Variants in RNF17 observed in about 807,000 individuals in gnomAD.
RNF17 encodes spermatogenesis associated 23.
RNF17 carries 31 observed loss-of-function variants against 200.5 expected under a neutral mutation model. The ratio of observed to expected loss-of-function variants is 0.15; its 90% confidence interval spans 0.12 to 0.21. RNF17 has a LOEUF of 0.21. RNF17 is among the 10% of genes least tolerant of loss of function. The pLI, the probability that RNF17 is intolerant of heterozygous loss-of-function variation, is 1.00. For synonymous variants in RNF17, 606 were observed against 637.8 expected (o/e 0.95, Z 0.75); for missense variants, 1,628 against 1,905.1 (o/e 0.85, Z 2.71).
intron 15 of RNF17, among the ~76,000 whole-genome samples, chr13:24,813,056 C>T (rs1429898987): frequency 6.6e-6 from 1 of 152,176 alleles, no homozygotes; most frequent in African/African-American, 2.4e-5. Flanking sequence ...GCCAGTGATA[C>T]TGAACATCTT....
At chr13:24,765,140 G>C (rs1361524897) in intron 1 of RNF17, among the ~76,000 whole-genome samples, 1 of 152,008 alleles carries the variant, frequency 6.6e-6, no homozygotes, top group Admixed American at 6.6e-5. Flanking sequence ...CTCAGCCTCT[G>C]GAGTAGCTGG....
At position 24,830,472 on chromosome 13, in the gene RNF17, T is replaced by C. The variant is rs769651052; in HGVS notation, c.2246-12T>C. The C allele has an allele frequency of 1.3e-6, 2 of 1,522,182 alleles. No individual in the cohort carries two copies. The highest frequency in any genetic ancestry group is 1.8e-6 in the Non-Finnish European group (2 of 1,111,090). The allele number at this position is 1,522,182 out of a possible 1,614,324, so 94.3% of individuals were successfully genotyped here. On this transcript the variant is annotated splice_polypyrimidine_tract_variant and intron_variant, in intron 16 of 35. Transcript: ENST00000255324. Reference sequence around the variant, plus strand: ...TCCAAGTTTGTAATTTCTAATTTCATAATTTTTCAAGGATTGCCTGGACAT... The same window carrying C: ...TCCAAGTTTGTAATTTCTAATTTCACAATTTTTCAAGGATTGCCTGGACAT...
intron 15 of RNF17, among the ~76,000 whole-genome samples, chr13:24,818,818 T>C (rs1025624664): frequency 4.6e-5 from 7 of 151,990 alleles, no homozygotes; most frequent in African/African-American, 1.7e-4. Flanking sequence ...AGTTGGATCA[T>C]GTTTTTTTTT....
rs1456870198 is a variant in RNF17, at chr13:24,831,892, A to G, written c.2396A>G (p.Tyr799Cys). ...TGTAAGTTGGCCTATATTGAACCAT[A>G]TAAAAGGACAATGCAGTGGTCCAAA... ...IKCKLAYIEP[Y>C]KRTMQWSKEA... The change falls in exon 18 of 36, where the codon TAT becomes TGT. Residue 799 changes from tyrosine to cysteine, a missense_variant. Transcript: ENST00000255324. 7 of 1,609,038 alleles carry G rather than the reference A, an allele frequency of 4.4e-6. No homozygotes were observed. Among genetic ancestry groups the G allele is most frequent in the Non-Finnish European group, 5.1e-6 (6 of 1,178,414 alleles).
chr13:24,849,974 C>T (rs7321755), intron 22 of RNF17, among the ~76,000 whole-genome samples: 82,873 of 151,930 alleles, frequency 0.55, 22,990 homozygotes, highest in African/African-American at 0.65. Context: ...ATGCACATAA[C>T]ACATCATCAT....
At chr13:24,874,935 C>T (rs1386237148) in intron 33 of RNF17, among the ~76,000 whole-genome samples, 2 of 152,110 alleles carry the variant, frequency 1.3e-5, no homozygotes, top group East Asian at 1.9e-4. Flanking sequence ...TAAGTAAATT[C>T]ATACAGTATT....
intron 15 of RNF17, among the ~76,000 whole-genome samples, chr13:24,821,605 T>C (rs1888061820): frequency 6.6e-6 from 1 of 152,194 alleles, no homozygotes. Context: ...ATTTTTCTTC[T>C]TTCCACTCAA....
chr13:24,862,851 CAT>C, intron 28 of RNF17, 58 bp downstream of exon 28: 1 of 1,007,202 alleles, frequency 9.9e-7, no homozygotes, highest in Non-Finnish European at 1.5e-6. Flanking sequence ...TTATAATTAA[CAT>C]AATTTGAGGG....
At chr13:24,819,595 A>G (rs1217421141) in intron 15 of RNF17, among the ~76,000 whole-genome samples, 3 of 152,244 alleles carry the variant, frequency 2.0e-5, no homozygotes, top group Admixed American at 6.5e-5. Flanking sequence ...ACAATCCAAT[A>G]TGAGTTAATA....
downstream of RNF17, among the ~76,000 whole-genome samples, chr13:24,881,673 C>G (rs1444047431): frequency 6.8e-6 from 1 of 147,972 alleles, no homozygotes. Context: ...CTATATATAT[C>G]TATCTAGATT....
At position 24,789,765 on chromosome 13, in the gene RNF17, T is replaced by C. The variant is rs761251799; in HGVS notation, c.928T>C (p.Ser310Pro). The C allele has an allele frequency of 1.3e-6, 2 of 1,565,154 alleles. No individual in the cohort carries two copies. Among genetic ancestry groups the C allele is most frequent in the Admixed American group, 3.3e-5 (2 of 59,880 alleles). Reference sequence around the variant, plus strand: ...TATGGGAAAGATTGAATTTAGGGACTCAACAAAGTAAGTATTTATAAGCAT... The same window carrying C: ...TATGGGAAAGATTGAATTTAGGGACCCAACAAAGTAAGTATTTATAAGCAT... ...NNMGKIEFRD[S>P]TKCYPQENEI... is the part of the protein sequence containing the mutation. Residue 310 changes from serine to proline, a missense_variant, in exon 9 of 36, where the codon TCA (serine) becomes CCA (proline). Ser to Pro is a moderately conservative substitution (Grantham distance 74). Around this residue, in one of 5 missense-constraint regions of RNF17, gnomAD observed 502 missense variants for 501.7 expected, o/e 1.00. Transcript: ENST00000255324.
chr13:24,803,929 C>G (rs1477108217), intron 14 of RNF17: 1 of 218,394 alleles, frequency 4.6e-6, no homozygotes, highest in Non-Finnish European at 9.0e-6. Context: ...TAAGTCAGTA[C>G]ATGTACAAGT....
At position 24,796,333 on chromosome 13, in the gene RNF17, A is replaced by G; in HGVS notation, c.1399+38A>G. The stretch of plus-strand genomic sequence containing the variant: ...TAGTCCAAGTTAAAATATCAAATTT[A>G]TTTAAATAATATAATAACTTGGCCA... On this transcript the variant is annotated intron_variant, in intron 11 of 35. Coordinates refer to ENST00000255324, the MANE Select transcript of RNF17 (RefSeq NM_031277.3). 3 of 1,417,608 alleles carry G rather than the reference A, an allele frequency of 2.1e-6. No individual in the cohort carries two copies. The Middle Eastern group carries it at 7.3e-4, about 343-fold the overall frequency. 87.8% of individuals were successfully genotyped at this position (1,417,608 alleles called of 1,614,324 possible).
At chr13:24,858,373 A>T (rs1156425457) in intron 25 of RNF17, among the ~76,000 whole-genome samples, 1 of 152,090 alleles carries the variant, frequency 6.6e-6, no homozygotes, top group Non-Finnish European at 1.5e-5. Flanking sequence ...CTTTACATTT[A>T]ATCCTCCTGC....
Position 24,778,343 on chromosome 13 carries a change from T to C in RNF17, c.366T>C (p.Thr122=). The C allele has an allele frequency of 1.2e-6, 2 of 1,613,744 alleles. No individual in the cohort carries two copies. Among genetic ancestry groups the C allele is most frequent in the Non-Finnish European group, 1.7e-6 (2 of 1,179,650 alleles). Residue 122 remains threonine, a synonymous_variant, in exon 4 of 36, where the codon ACT becomes ACC. Coordinates refer to ENST00000255324, the MANE Select transcript of RNF17 (RefSeq NM_031277.3). ...TTAAGAAGACTGCTGATCAGCTAAC[T>C]ACTGGTTTAGAACGTTCAGCCTCCA... The part of the protein sequence containing the change: ...QDFKKTADQL[T]TGLERSASTD...
intron 15 of RNF17, among the ~76,000 whole-genome samples, chr13:24,805,891 CT>C (rs200233519): frequency 2.0e-5 from 3 of 151,590 alleles, no homozygotes; most frequent in Admixed American, 1.3e-4. Context: ...AAATAACATT[CT>C]TTTTTTTATT....
chr13:24,828,272 G>T (rs1867765), intron 16 of RNF17, among the ~76,000 whole-genome samples: 63,028 of 151,606 alleles, frequency 0.42, 13,128 homozygotes, highest in Middle Eastern at 0.46. Context: ...ACCACTTTTG[G>T]GGTGCTAATA....
rs118152578 is a variant in RNF17, at chr13:24,823,615, T to C, written c.2092-2004T>C. Among the ~76,000 whole-genome samples, 183 of 152,218 alleles carry C rather than the reference T, an allele frequency of 1.2e-3. 5 individuals are homozygous for C. The East Asian group carries it at 0.032, about 27-fold the overall frequency. On this transcript the variant is annotated intron_variant, in intron 15 of 35. Transcript: ENST00000255324. ...CTCTTTGGTGGGCACTTCTTCACCA[T>C]TTAGAGAGGCTGAGCCTAGGAATCA...
intron 25 of RNF17, among the ~76,000 whole-genome samples, chr13:24,854,745 G>A (rs1199185275): frequency 6.6e-6 from 1 of 152,150 alleles, no homozygotes; most frequent in Admixed American, 6.5e-5. Context: ...CCCACAATGG[G>A]TCAATGTGCT....
Sources: gnomAD v4.1 joint callset for allele counts (sites outside exome capture counted in the v4.1 genomes callset) on GRCh38, gnomAD v4.1.1 for gene constraint, gnomAD v4.1.1 regional missense constraint, MANE v1.5 for transcripts, NCBI Gene and HGNC (gene_info 2026-07-23, HGNC 2026-07-21) for gene names.